Variants in CFAP47 observed in about 807,000 individuals in gnomAD.
CFAP47 encodes cilia- and flagella-associated protein 47.
A neutral mutation model predicts 148.1 loss-of-function variants in CFAP47; 29 were observed. The ratio of observed to expected loss-of-function variants is 0.20; its 90% CI spans 0.15 to 0.27. The LOEUF (loss-of-function observed/expected upper bound fraction) is 0.27, where lower values mean the gene tolerates loss of function less well. CFAP47 is among the 10% of genes least tolerant of loss of function. CFAP47 has a pLI of 1.00. For synonymous variants in CFAP47, 664 were observed against 577.3 expected (o/e 1.15, Z -2.15); for missense variants, 1,872 against 1,697.5 (o/e 1.10, Z -1.81).
chrX:36,119,857 A>G (rs950776367), intron 33 of CFAP47, among the ~76,000 whole-genome samples: 10 of 111,572 alleles, frequency 9.0e-5, no homozygotes, highest in Middle Eastern at 4.2e-3. Context: ...AGTTGCTCAT[A>G]GTGTCTTCTA....
intron 57 of CFAP47, among the ~76,000 whole-genome samples, chrX:36,347,699 A>G (rs1439021314): frequency 1.8e-5 from 2 of 110,782 alleles, no homozygotes; most frequent in Non-Finnish European, 3.8e-5. Context: ...CAAACACTGC[A>G]TGTTCTCACT....
chrX:36,286,674 T>C (rs1941136489), intron 51 of CFAP47, among the ~76,000 whole-genome samples: 1 of 111,407 alleles, frequency 9.0e-6, no homozygotes, highest in Admixed American at 9.6e-5. Context: ...AAATCTTCCT[T>C]AAAGGTTACT....
intron 40 of CFAP47, among the ~76,000 whole-genome samples, chrX:36,187,577 T>C (rs1939820297): frequency 8.9e-6 from 1 of 112,210 alleles, no homozygotes; most frequent in Non-Finnish European, 1.9e-5. Context: ...TTATAAATGC[T>C]AAGATATCCA....
chrX:36,236,000 G>A lies in CFAP47; in HGVS notation c.7081G>A (p.Val2361Ile), dbSNP rs1440355944. 3.9e-6 allele frequency: 2 copies of A among 513,205 alleles called. No individual in the cohort carries two copies. The highest frequency in any genetic ancestry group is 7.1e-6 in the Non-Finnish European group (2 of 282,586). The allele number at this position is 513,205 out of a possible 1,213,427, so 42.3% of individuals were successfully genotyped here. Residue 2361 changes from valine (V) to isoleucine (I), a missense_variant, in exon 47 of 64, where the codon GTT (valine) becomes ATT (isoleucine). Physicochemically the swap from Val to Ile is conservative, Grantham distance 29. Coordinates refer to ENST00000378653, the MANE Select transcript of CFAP47 (RefSeq NM_001304548.2). ...TIEGEWFYGP[V>I]DLHVGPDEIV... ...AGAAGGAGAATGGTTTTATGGACCT[G>A]TTGATTTACATGTTGGACCAGATGA...
intron 62 of CFAP47, among the ~76,000 whole-genome samples, chrX:36,369,678 C>T (rs782314969): frequency 9.0e-6 from 1 of 111,412 alleles, no homozygotes; most frequent in Admixed American, 9.6e-5. Flanking sequence ...CATAGTCACT[C>T]TTTAATGGAT....
chrX:36,124,711 T>C, intron 33 of CFAP47, among the ~76,000 whole-genome samples: 2 of 111,299 alleles, frequency 1.8e-5, no homozygotes, highest in Middle Eastern at 4.7e-3. Flanking sequence ...CTTTTAGTGA[T>C]ATGAATTTAA....
chrX:36,333,934 A>G (rs1941584545), intron 57 of CFAP47, among the ~76,000 whole-genome samples: 1 of 111,237 alleles, frequency 9.0e-6, no homozygotes, highest in Admixed American at 9.6e-5. Flanking sequence ...CCCCTACCTT[A>G]TCTAATACTT....
intron 60 of CFAP47, among the ~76,000 whole-genome samples, chrX:36,357,398 G>A (rs1210943938): frequency 9.0e-6 from 1 of 111,307 alleles, no homozygotes; most frequent in Non-Finnish European, 1.9e-5. Flanking sequence ...AAGGACCACT[G>A]TGCTCTCTTC....
chrX:36,296,704 T>C (rs782026449), intron 51 of CFAP47, among the ~76,000 whole-genome samples: 20 of 112,153 alleles, frequency 1.8e-4, no homozygotes, highest in African/African-American at 6.1e-4. Flanking sequence ...AATGTCTGAG[T>C]AGTAGACCAG....
In CFAP47 at chrX:36,190,259, G is replaced by A. The variant is rs781962538; in HGVS notation, c.6321+63G>A. 576 of 292,532 alleles carry A rather than the reference G, an allele frequency of 2.0e-3. 2 individuals are homozygous for A. Among genetic ancestry groups the A allele is most frequent in the Non-Finnish European group, 3.0e-3 (502 of 167,410 alleles). 24.1% of individuals were successfully genotyped at this position (292,532 alleles called of 1,213,427 possible). On this transcript the variant is annotated intron_variant, in intron 42 of 63. Transcript: ENST00000378653. The stretch of plus-strand genomic sequence containing the variant: ...TGTCACTTTAATGGAGTAACGAACA[G>A]CAGGTGACTTGAAGGCAACTGAAGA...
intron 21 of CFAP47, among the ~76,000 whole-genome samples, chrX:36,007,989 A>G (rs945969950): frequency 1.1e-4 from 12 of 111,618 alleles, no homozygotes; most frequent in African/African-American, 3.9e-4. Context: ...ACAGCATCAG[A>G]CATTTTAAAA....
chrX:36,097,992 C>T (rs763065403), intron 30 of CFAP47, among the ~76,000 whole-genome samples: 1 of 111,520 alleles, frequency 9.0e-6, no homozygotes, highest in South Asian at 3.7e-4. Flanking sequence ...AGGTGTGCCT[C>T]ATTGTTTTTA....
intron 39 of CFAP47, among the ~76,000 whole-genome samples, chrX:36,169,850 C>T (rs949818802): frequency 1.8e-5 from 2 of 111,872 alleles, no homozygotes; most frequent in Admixed American, 1.9e-4. Flanking sequence ...TTTCAGCAAA[C>T]ATCCTGGTGT....
At chrX:36,232,329 G>C (rs1940375748) in intron 46 of CFAP47, among the ~76,000 whole-genome samples, 1 of 111,586 alleles carries the variant, frequency 9.0e-6, no homozygotes, top group Non-Finnish European at 1.9e-5. Flanking sequence ...ACTTCTTCCT[G>C]GTTTAGTCTT....
chrX:35,960,880 T>C (rs1936320924), intron 8 of CFAP47, among the ~76,000 whole-genome samples: 1 of 111,583 alleles, frequency 9.0e-6, no homozygotes, highest in Admixed American at 9.6e-5. Flanking sequence ...TTGTCCTAGC[T>C]AGAACCTCTA....
At chrX:36,306,403 TTA>T (rs1941348999) in intron 54 of CFAP47, among the ~76,000 whole-genome samples, 1 of 111,611 alleles carries the variant, frequency 9.0e-6, no homozygotes, top group Non-Finnish European at 1.9e-5. Context: ...ACAAATTAAG[TTA>T]CAGGTGGTTT....
chrX:35,997,851 G>T (rs957868158), intron 19 of CFAP47, among the ~76,000 whole-genome samples: 10 of 111,361 alleles, frequency 9.0e-5, no homozygotes, highest in African/African-American at 2.9e-4. Flanking sequence ...TGTGTGTAAT[G>T]GTATGTTAAT....
intron 61 of CFAP47, among the ~76,000 whole-genome samples, chrX:36,364,197 T>C (rs1454709832): frequency 2.7e-5 from 3 of 110,974 alleles, no homozygotes; most frequent in Non-Finnish European, 5.7e-5. Context: ...CATGAAATTC[T>C]GTGGTCTTCT....
intron 62 of CFAP47, among the ~76,000 whole-genome samples, chrX:36,378,277 A>G (rs1346852168): frequency 8.9e-6 from 1 of 112,130 alleles, no homozygotes; most frequent in Non-Finnish European, 1.9e-5. Flanking sequence ...ATGTCACTCA[A>G]TTTACTTCAG....
Sources: allele counts gnomAD v4.1 joint callset (sites outside exome capture counted in the v4.1 genomes callset), GRCh38; gene constraint gnomAD v4.1.1; transcripts MANE v1.5; gene names NCBI Gene and HGNC (gene_info 2026-07-23, HGNC 2026-07-21).